PRKN: variants seen among roughly 807,000 people sequenced by gnomAD.
The protein encoded by PRKN is parkin RBR E3 ubiquitin protein ligase.
A neutral mutation model predicts 59.5 loss-of-function variants in PRKN; 56 were observed. The observed-to-expected ratio is 0.94, with a 90% confidence interval of 0.76 to 1.18. The LOEUF (loss-of-function observed/expected upper bound fraction) is 1.18. Ranked by LOEUF, PRKN falls within the 50% of genes most tolerant of loss-of-function variation. PRKN has a pLI of 0.00. For missense variants in PRKN, 657 were observed against 596.4 expected, an observed-to-expected ratio of 1.10 and a Z score of -1.06; for synonymous variants, 250 against 222.1, an observed-to-expected ratio of 1.13 and a Z score of -1.12.
At chr6:161,653,442 G>T (rs1784223438) in intron 7 of PRKN, among the ~76,000 whole-genome samples, 1 of 152,134 alleles carries the variant, frequency 6.6e-6, no homozygotes, top group African/African-American at 2.4e-5. Flanking sequence ...GACCCTGGCT[G>T]GGTACTCATG....
intron 4 of PRKN, among the ~76,000 whole-genome samples, chr6:162,119,093 T>C (rs1291961812): frequency 1.3e-5 from 2 of 152,214 alleles, no homozygotes; most frequent in Non-Finnish European, 2.9e-5. Flanking sequence ...TCAGAATAGA[T>C]ACCTTCAAAG....
intron 2 of PRKN, among the ~76,000 whole-genome samples, chr6:162,417,275 G>A (rs1788677084): frequency 6.6e-6 from 1 of 152,130 alleles, no homozygotes; most frequent in African/African-American, 2.4e-5. Flanking sequence ...ATCAAAGCCA[G>A]GACAGGGCCA....
At chr6:161,750,643 T>C (rs947261098) in intron 7 of PRKN, among the ~76,000 whole-genome samples, 1 of 151,742 alleles carries the variant, frequency 6.6e-6, no homozygotes, top group Admixed American at 6.6e-5. Context: ...GGCACATGCC[T>C]GTAATCCCAG....
chr6:162,095,040 C>A (rs1023840735), intron 4 of PRKN, among the ~76,000 whole-genome samples: 20 of 152,078 alleles, frequency 1.3e-4, no homozygotes, highest in Non-Finnish European at 2.6e-4. Flanking sequence ...GGTGGACAGA[C>A]TGACACTATG....
At chr6:161,825,471 G>A (rs867478560) in intron 6 of PRKN, among the ~76,000 whole-genome samples, 2 of 152,048 alleles carry the variant, frequency 1.3e-5, no homozygotes, top group Non-Finnish European at 2.9e-5. Context: ...AATCCTTCTG[G>A]TCTGGGCTGC....
Position 162,721,432 on chromosome 6 carries a change from T to A in PRKN, c.7+6230A>T, listed in dbSNP as rs139255430. On this transcript the variant is annotated intron_variant, in intron 1 of 11. Coordinates refer to ENST00000366898, the MANE Select transcript of PRKN (RefSeq NM_004562.3). ...TTGTAGATAATGGTTCAGTGACTCCTCCCTATCGCCAACTTTAAACCTACC... is the reference window on the plus strand; with the variant it reads ...TTGTAGATAATGGTTCAGTGACTCCACCCTATCGCCAACTTTAAACCTACC... Among the ~76,000 whole-genome samples the A allele has an allele frequency of 2.8e-3, 423 of 152,306 alleles. 3 individuals are homozygous for A. Among genetic ancestry groups the A allele is most frequent in the Non-Finnish European group, 4.7e-3 (321 of 68,032 alleles).
chr6:162,089,582 G>A (rs1028153372), intron 4 of PRKN, among the ~76,000 whole-genome samples: 6 of 152,074 alleles, frequency 3.9e-5, no homozygotes, highest in East Asian at 1.9e-4. Context: ...ATAAAAACTC[G>A]TACATGATCA....
At chr6:162,562,709 T>C (rs1369181771) in intron 1 of PRKN, among the ~76,000 whole-genome samples, 1 of 152,194 alleles carries the variant, frequency 6.6e-6, no homozygotes, top group Non-Finnish European at 1.5e-5. Context: ...CTTTTGACTC[T>C]AGTTCCTGAC....
intron 1 of PRKN, among the ~76,000 whole-genome samples, chr6:162,540,529 T>G (rs563916154): frequency 6.6e-6 from 1 of 152,210 alleles, no homozygotes; most frequent in African/African-American, 2.4e-5. Flanking sequence ...ATTAACTGGC[T>G]GGGCGTGGTG....
intron 1 of PRKN, among the ~76,000 whole-genome samples, chr6:162,537,859 G>A (rs1013339522): frequency 1.3e-5 from 2 of 152,126 alleles, no homozygotes; most frequent in African/African-American, 4.8e-5. Context: ...GAAGACTTGT[G>A]TTGGTGAAAA....
intron 5 of PRKN, among the ~76,000 whole-genome samples, chr6:162,021,461 A>ATATAT (rs59250759): frequency 2.6e-3 from 65 of 24,658 alleles, no homozygotes; most frequent in Non-Finnish European, 4.0e-3. Context: ...ATATATATAT[A>ATATAT]TTTTTTTTTT....
intron 4 of PRKN, among the ~76,000 whole-genome samples, chr6:162,193,232 T>A (rs9365384): frequency 0.075 from 11,492 of 152,242 alleles, 701 homozygotes; most frequent in Admixed American, 0.2. Flanking sequence ...AAATCTTAAT[T>A]CTAAAATACT....
At chr6:162,250,099 T>C (rs1007574426) in intron 3 of PRKN, among the ~76,000 whole-genome samples, 3 of 148,428 alleles carry the variant, frequency 2.0e-5, no homozygotes, top group Non-Finnish European at 3.0e-5. Context: ...TGAGCCGAGA[T>C]CACACCACAG....
At position 162,645,905 on chromosome 6, in the gene PRKN, T is replaced by C. The variant is rs548247972; in HGVS notation, c.7+81757A>G. Among the ~76,000 whole-genome samples the C allele has an allele frequency of 2.8e-3, 413 of 146,266 alleles. 2 individuals are homozygous for C. The highest frequency in any genetic ancestry group is 9.9e-3 in the African/African-American group (389 of 39,246). ...TTTTTTTTTTTTTGAGACAGAGTCT[T>C]GCTCTGTCGCCCAGGCTGGAGTGCA... On this transcript the variant is annotated intron_variant, in intron 1 of 11. Coordinates refer to ENST00000366898, the MANE Select transcript of PRKN (RefSeq NM_004562.3).
chr6:162,127,521 A>G (rs1781172026), intron 4 of PRKN, among the ~76,000 whole-genome samples: 1 of 152,220 alleles, frequency 6.6e-6, no homozygotes, highest in African/African-American at 2.4e-5. Flanking sequence ...AGTACCTTAT[A>G]CCATAATTTC....
At chr6:161,692,361 C>T (rs549461237) in intron 7 of PRKN, among the ~76,000 whole-genome samples, 1 of 152,272 alleles carries the variant, frequency 6.6e-6, no homozygotes, top group South Asian at 2.1e-4. Context: ...GAGTATAATT[C>T]CCATTCTAAT....
intron 4 of PRKN, among the ~76,000 whole-genome samples, chr6:162,176,435 T>C (rs1783539915): frequency 1.3e-5 from 2 of 152,176 alleles, no homozygotes; most frequent in Non-Finnish European, 2.9e-5. Context: ...TAGGACTATA[T>C]GGTACTTCAT....
chr6:162,572,559 C>A (rs1780382244), intron 1 of PRKN, among the ~76,000 whole-genome samples: 1 of 152,094 alleles, frequency 6.6e-6, no homozygotes, highest in East Asian at 1.9e-4. Context: ...CTAGAGAGAG[C>A]AAAACGTCTT....
At chr6:161,854,841 C>A (rs1024586628) in intron 6 of PRKN, among the ~76,000 whole-genome samples, 2 of 151,906 alleles carry the variant, frequency 1.3e-5, no homozygotes, top group Non-Finnish European at 2.9e-5. Flanking sequence ...TCCCAGCAGT[C>A]TGGGAGGCCG....
Sources: allele counts gnomAD v4.1 joint callset (sites outside exome capture counted in the v4.1 genomes callset), GRCh38; gene constraint gnomAD v4.1.1; transcripts MANE v1.5; gene names NCBI Gene and HGNC (gene_info 2026-07-23, HGNC 2026-07-21).